CTNND2: variants seen among roughly 807,000 people sequenced by gnomAD.
CTNND2 encodes the protein catenin delta-2.
Under a neutral mutation model 144.4 loss-of-function variants are expected in CTNND2, and 22 were observed. The observed-to-expected ratio is 0.15, with a 90% CI of 0.11 to 0.22. The LOEUF (loss-of-function observed/expected upper bound fraction) is 0.22, where lower values mean the gene tolerates loss of function less well. Ranked by LOEUF, CTNND2 falls within the 10% of genes least tolerant of loss-of-function variation. The pLI, the probability that CTNND2 is intolerant of heterozygous loss-of-function variation, is 1.00. For missense variants in CTNND2, 1,353 were observed against 1,618.8 expected (o/e 0.84, Z 2.82); for synonymous variants, 751 against 695.6 (o/e 1.08, Z -1.25).
intron 11 of CTNND2, among the ~76,000 whole-genome samples, chr5:11,190,175 A>AAG (rs1424020782): frequency 2.0e-5 from 3 of 152,212 alleles, no homozygotes; most frequent in African/African-American, 7.2e-5. Flanking sequence ...ATGTACTGGG[A>AAG]AGGATTCTTC....
At chr5:10,974,643 C>G (rs1402443696) in intron 21 of CTNND2, among the ~76,000 whole-genome samples, 1 of 152,192 alleles carries the variant, frequency 6.6e-6, no homozygotes, top group East Asian at 1.9e-4. Flanking sequence ...GCACAAAGCT[C>G]TGCTAATGTG....
At chr5:11,693,138 G>A (rs1420846565) in intron 2 of CTNND2, among the ~76,000 whole-genome samples, 1 of 152,156 alleles carries the variant, frequency 6.6e-6, no homozygotes, top group Non-Finnish European at 1.5e-5. Context: ...TTCCTCGTAA[G>A]GTGAAAGGGA....
chr5:11,683,269 T>C (rs1784500819), intron 2 of CTNND2, among the ~76,000 whole-genome samples: 1 of 152,236 alleles, frequency 6.6e-6, no homozygotes, highest in Non-Finnish European at 1.5e-5. Flanking sequence ...TGTCAGAATG[T>C]AAACTCTAAT....
chr5:11,020,318 T>G (rs1254315179), intron 17 of CTNND2, among the ~76,000 whole-genome samples: 1 of 147,912 alleles, frequency 6.8e-6, no homozygotes, highest in Non-Finnish European at 1.5e-5. Flanking sequence ...ATCTGTGTTT[T>G]CCCATACTAT....
At chr5:11,200,922 G>A (rs945617489) in intron 10 of CTNND2, among the ~76,000 whole-genome samples, 1 of 151,892 alleles carries the variant, frequency 6.6e-6, no homozygotes, top group African/African-American at 2.4e-5. Context: ...CTCGTGATCC[G>A]CCCGCCTCAG....
At chr5:11,834,312 G>A (rs1335312066) in intron 1 of CTNND2, among the ~76,000 whole-genome samples, 4 of 152,124 alleles carry the variant, frequency 2.6e-5, no homozygotes, top group Non-Finnish European at 5.9e-5. Flanking sequence ...CAAGACAGCT[G>A]TAACCAGCTG....
At chr5:10,994,641 G>A (rs1479816180) in intron 18 of CTNND2, among the ~76,000 whole-genome samples, 3 of 152,120 alleles carry the variant, frequency 2.0e-5, no homozygotes, top group African/African-American at 7.2e-5. Flanking sequence ...TGGCTTCCCA[G>A]CCCACAGAAG....
At chr5:11,808,904 C>T (rs10078846) in intron 1 of CTNND2, among the ~76,000 whole-genome samples, 3 of 152,032 alleles carry the variant, frequency 2.0e-5, no homozygotes, top group Non-Finnish European at 4.4e-5. Flanking sequence ...AAAACATCCA[C>T]GATACTAAGA....
chr5:10,973,333 G>T lies in CTNND2; in HGVS notation c.*120C>A. Reference sequence around the variant, plus strand: ...TAATATTTCCTTACTGGTTATCACAGCCTTCCTATGGAACAGGCTTTAACA... The same window carrying T: ...TAATATTTCCTTACTGGTTATCACATCCTTCCTATGGAACAGGCTTTAACA... On this transcript the variant is annotated 3_prime_UTR_variant, in exon 22 of 22. Coordinates refer to ENST00000304623, the MANE Select transcript of CTNND2 (RefSeq NM_001332.4). The surrounding 1 kb of genome is among the most constrained non-coding windows in gnomAD (Gnocchi z 5.6). 1 of 1,059,368 alleles carries T rather than the reference G, an allele frequency of 9.4e-7. No individual in the cohort carries two copies. The allele number at this position is 1,059,368 out of a possible 1,614,324, so 65.6% of individuals were successfully genotyped here.
At chr5:11,121,751 C>G (rs909107669) in intron 12 of CTNND2, among the ~76,000 whole-genome samples, 1 of 152,280 alleles carries the variant, frequency 6.6e-6, no homozygotes, top group South Asian at 2.1e-4. Flanking sequence ...ATATGTTCAC[C>G]TGTATGACTA....
intron 3 of CTNND2, among the ~76,000 whole-genome samples, chr5:11,426,876 T>C (rs972766807): frequency 6.6e-6 from 1 of 152,192 alleles, no homozygotes; most frequent in Non-Finnish European, 1.5e-5. Flanking sequence ...TTTGCTTTAA[T>C]TCATTTCTAA....
intron 11 of CTNND2, among the ~76,000 whole-genome samples, chr5:11,176,140 T>C (rs1006882733): frequency 1.9e-4 from 29 of 152,206 alleles, no homozygotes; most frequent in Admixed American, 1.8e-3. Context: ...TCAGAACTAG[T>C]ACTGATGCCC....
chr5:11,637,236 T>C (rs1185537569), intron 2 of CTNND2, among the ~76,000 whole-genome samples: 1 of 152,184 alleles, frequency 6.6e-6, no homozygotes, highest in Admixed American at 6.6e-5. Flanking sequence ...GGAATGTGTA[T>C]CTCCAAAATA....
rs939508605 is a variant in CTNND2 at position 11,002,847 on chromosome 5, A to C, written c.3085-10170T>G. 3.3e-5 allele frequency among the ~76,000 whole-genome samples: 5 copies of C among 152,188 alleles called. No individual in the cohort carries two copies. The East Asian group carries it at 9.6e-4, about 29-fold the overall frequency. ...GGAAACTTTGTCTTCTATCCTTAGA[A>C]GTTAGATTCATCAACTATTTTCTTA... On this transcript the variant is annotated intron_variant, in intron 18 of 21. Coordinates refer to ENST00000304623, the MANE Select transcript of CTNND2 (RefSeq NM_001332.4).
intron 12 of CTNND2, among the ~76,000 whole-genome samples, chr5:11,156,395 T>C (rs2149761751): frequency 6.6e-6 from 1 of 152,282 alleles, no homozygotes; most frequent in African/African-American, 2.4e-5. Context: ...TCAAGAGTAA[T>C]GATTTTCAAT....
At chr5:11,030,804 G>GTC (rs1415579107) in intron 16 of CTNND2, among the ~76,000 whole-genome samples, 2 of 144,876 alleles carry the variant, frequency 1.4e-5, no homozygotes, top group East Asian at 4.0e-4. Context: ...CCTTGAACTG[G>GTC]TCATACTTCC....
intron 9 of CTNND2, among the ~76,000 whole-genome samples, chr5:11,325,163 G>T (rs913047147): frequency 6.6e-6 from 1 of 152,090 alleles, no homozygotes; most frequent in Non-Finnish European, 1.5e-5. Context: ...GCTTGGAGCT[G>T]ACCCAGTAAA....
At chr5:11,277,474 G>A (rs1397923481) in intron 9 of CTNND2, among the ~76,000 whole-genome samples, 1 of 151,064 alleles carries the variant, frequency 6.6e-6, no homozygotes. Context: ...AGTATGGGCT[G>A]CTCTGGTGCT....
In CTNND2 at chr5:11,168,264, G is replaced by A. The variant is rs182271108; in HGVS notation, c.1976-8505C>T. Among the ~76,000 whole-genome samples the A allele has an allele frequency of 3.2e-3, 482 of 152,170 alleles. 3 individuals carry two copies. The highest frequency in any genetic ancestry group is 0.011 in the African/African-American group (455 of 41,538). ...CACAACAGATCAGGCTCTATTAATG[G>A]AAAATGATGCCTGTCCCAAACTGGA... is the stretch of plus-strand genomic sequence containing the variant. On this transcript the variant is annotated intron_variant, in intron 11 of 21. Coordinates refer to ENST00000304623, the MANE Select transcript of CTNND2 (RefSeq NM_001332.4).
Sources: gnomAD v4.1 joint callset for allele counts (sites outside exome capture counted in the v4.1 genomes callset) on GRCh38, gnomAD v4.1.1 for gene constraint, Gnocchi (gnomAD v3.1) non-coding constraint, MANE v1.5 for transcripts, NCBI Gene and HGNC (gene_info 2026-07-23, HGNC 2026-07-21) for gene names.